The following ERBB4 variants were observed in gnomAD, a reference collection of about 807,000 sequenced individuals.
ERBB4 encodes receptor tyrosine-protein kinase erbB-4.
Under a neutral mutation model 158.0 loss-of-function variants are expected in ERBB4, and 42 were observed. That is an observed-to-expected ratio of 0.27 (90% CI 0.21 to 0.34). ERBB4 has a LOEUF of 0.34. Ranked by LOEUF, ERBB4 falls within the 10% of genes least tolerant of loss-of-function variation. The pLI, the probability that ERBB4 is intolerant of heterozygous loss-of-function variation, is 1.00. For missense variants in ERBB4, 1,333 were observed against 1,624.1 expected, an observed-to-expected ratio of 0.82 and a Z score of 3.08; for synonymous variants, 583 against 558.7, an observed-to-expected ratio of 1.04 and a Z score of -0.61.
intron 20 of ERBB4, among the ~76,000 whole-genome samples, chr2:211,431,964 T>C (rs1014970752): frequency 6.6e-6 from 1 of 152,180 alleles, no homozygotes; most frequent in African/African-American, 2.4e-5. Flanking sequence ...TTATTAATTG[T>C]ACTTCAGTAC....
chr2:212,307,630 G>A (rs931061933), intron 1 of ERBB4, among the ~76,000 whole-genome samples: 1 of 150,932 alleles, frequency 6.6e-6, no homozygotes, highest in Non-Finnish European at 1.5e-5. Flanking sequence ...GAATTGAGGA[G>A]AATAAACATT....
intron 4 of ERBB4, among the ~76,000 whole-genome samples, chr2:211,764,392 A>C (rs972119106): frequency 6.6e-6 from 1 of 152,206 alleles, no homozygotes; most frequent in Admixed American, 6.5e-5. Context: ...TTTCTAAAAA[A>C]TGTTTTTGGT....
intron 20 of ERBB4, among the ~76,000 whole-genome samples, chr2:211,504,148 G>T (rs982912490): frequency 6.6e-6 from 1 of 152,090 alleles, no homozygotes; most frequent in African/African-American, 2.4e-5. Flanking sequence ...CTAGCCAGTA[G>T]GATAAATTGC....
intron 1 of ERBB4, among the ~76,000 whole-genome samples, chr2:212,391,093 A>C (rs1456283512): frequency 2.0e-5 from 3 of 151,720 alleles, no homozygotes; most frequent in African/African-American, 7.2e-5. Flanking sequence ...TCCATGAACT[A>C]ATATTTCCAT....
chr2:212,473,489 C>G (rs1453433853), intron 1 of ERBB4, among the ~76,000 whole-genome samples: 2 of 152,004 alleles, frequency 1.3e-5, no homozygotes, highest in Non-Finnish European at 2.9e-5. Flanking sequence ...ATGAAGAAAA[C>G]AGAAAAACAT....
At chr2:212,080,230 T>C (rs998836288) in intron 2 of ERBB4, among the ~76,000 whole-genome samples, 2 of 151,690 alleles carry the variant, frequency 1.3e-5, no homozygotes, top group Admixed American at 1.3e-4. Context: ...GAAAATCCGT[T>C]TGAACCCGGG....
chr2:211,592,279 G>A (rs1351730414), intron 19 of ERBB4, among the ~76,000 whole-genome samples: 3 of 152,086 alleles, frequency 2.0e-5, no homozygotes, highest in Non-Finnish European at 4.4e-5. Context: ...ATTCTTGAAC[G>A]TGCTGGGAGT....
chr2:211,566,060 G>A (rs1295014960), intron 19 of ERBB4, among the ~76,000 whole-genome samples: 1 of 152,142 alleles, frequency 6.6e-6, no homozygotes, highest in African/African-American at 2.4e-5. Context: ...GGAAGTTCCG[G>A]GTGCACTTTG....
At chr2:212,165,124 G>A (rs1481883552) in intron 1 of ERBB4, among the ~76,000 whole-genome samples, 1 of 151,710 alleles carries the variant, frequency 6.6e-6, no homozygotes, top group Non-Finnish European at 1.5e-5. Flanking sequence ...TCACCCACCT[G>A]AATTTTCCTA....
intron 20 of ERBB4, among the ~76,000 whole-genome samples, chr2:211,481,704 T>A (rs2065087722): frequency 6.6e-6 from 1 of 152,022 alleles, no homozygotes; most frequent in South Asian, 2.1e-4. Flanking sequence ...TATAGCACAA[T>A]AGGACGATAT....
chr2:212,368,829 C>T (rs1362943761), intron 1 of ERBB4, among the ~76,000 whole-genome samples: 1 of 152,090 alleles, frequency 6.6e-6, no homozygotes, highest in Non-Finnish European at 1.5e-5. Context: ...ATTCTCCACA[C>T]CTGAGTTGGA....
intron 1 of ERBB4, among the ~76,000 whole-genome samples, chr2:212,513,611 G>C (rs1190236817): frequency 6.6e-6 from 1 of 152,128 alleles, no homozygotes; most frequent in Non-Finnish European, 1.5e-5. Flanking sequence ...AGGAGATCGA[G>C]ACCATCTTGG....
chr2:211,695,852 T>C (rs1444541722), intron 12 of ERBB4, among the ~76,000 whole-genome samples: 1 of 152,218 alleles, frequency 6.6e-6, no homozygotes, highest in Non-Finnish European at 1.5e-5. Context: ...TATATGAATG[T>C]CTAATATATA....
intron 2 of ERBB4, among the ~76,000 whole-genome samples, chr2:212,001,274 G>A (rs1429112355): frequency 6.6e-6 from 1 of 151,980 alleles, no homozygotes; most frequent in Non-Finnish European, 1.5e-5. Flanking sequence ...ATACCAATAG[G>A]CAATACCCTT....
intron 20 of ERBB4, among the ~76,000 whole-genome samples, chr2:211,454,651 A>T (rs1220334528): frequency 6.6e-6 from 1 of 152,182 alleles, no homozygotes; most frequent in Non-Finnish European, 1.5e-5. Context: ...AAGTAACAGA[A>T]GATGTCAGTC....
chr2:212,361,642 T>C (rs16848454), intron 1 of ERBB4, among the ~76,000 whole-genome samples: 12,658 of 151,708 alleles, frequency 0.083, 805 homozygotes, highest in African/African-American at 0.18. Flanking sequence ...CTTAACAAAG[T>C]AGAACAATAG....
chr2:212,391,881 A>G (rs113681322), intron 1 of ERBB4, among the ~76,000 whole-genome samples: 2,234 of 149,872 alleles, frequency 0.015, 49 homozygotes, highest in African/African-American at 0.052. Context: ...TCTTTGTTCT[A>G]TTTCACAGTC....
rs1560213898 is a variant in ERBB4, at chr2:212,399,536, T to TTATACA, written c.82+138912_82+138913insTGTATA. Among the ~76,000 whole-genome samples the TTATACA allele has an allele frequency of 7.2e-4, 15 of 20,758 alleles. 1 individual carries two copies. Among genetic ancestry groups the TTATACA allele is most frequent in the African/African-American group, 2.7e-3 (14 of 5,098 alleles). 13.6% of individuals were successfully genotyped at this position (20,758 alleles called of 152,430 possible). ...AGTCATGCCTCCCCTGATATATATT[T>TTATACA]TATATATACATATATATATATATAT... On this transcript the variant is annotated intron_variant, in intron 1 of 27. Transcript: ENST00000342788.
chr2:211,615,648 C>T (rs2069357754), intron 19 of ERBB4, among the ~76,000 whole-genome samples: 2 of 152,030 alleles, frequency 1.3e-5, no homozygotes, highest in Admixed American at 1.3e-4. Flanking sequence ...ACACAAACTG[C>T]CCCTTATTTA....
Sources: allele counts gnomAD v4.1 joint callset (sites outside exome capture counted in the v4.1 genomes callset), GRCh38; gene constraint gnomAD v4.1.1; transcripts MANE v1.5; gene names NCBI Gene and HGNC (gene_info 2026-07-23, HGNC 2026-07-21).